The following NTM variants were observed in gnomAD, a reference collection of about 807,000 sequenced individuals.
NTM encodes the protein neurotrimin.
NTM carries 13 observed loss-of-function variants against 42.1 expected under a neutral mutation model. That is an observed-to-expected ratio of 0.31 (90% CI 0.20 to 0.49). The LOEUF (loss-of-function observed/expected upper bound fraction) is 0.49. Ranked by LOEUF, NTM falls within the 20% of genes least tolerant of loss-of-function variation. The pLI is 0.99. For missense variants in NTM, 373 were observed against 452.8 expected (o/e 0.82, Z 1.60); for synonymous variants, 187 against 179.2 (o/e 1.04, Z -0.35).
chr11:131,760,674 C>T (rs891590121), intron 1 of NTM, among the ~76,000 whole-genome samples: 1 of 151,904 alleles, frequency 6.6e-6, no homozygotes, highest in Non-Finnish European at 1.5e-5. Flanking sequence ...GTGTGGGGGC[C>T]GGGGAGGGGC....
At chr11:132,127,510 G>A (rs187205048) in intron 2 of NTM, among the ~76,000 whole-genome samples, 205 of 152,286 alleles carry the variant, frequency 1.3e-3, no homozygotes, top group African/African-American at 4.7e-3. Context: ...TCACACAATC[G>A]TGCCCTTTGC....
intron 1 of NTM, among the ~76,000 whole-genome samples, chr11:131,374,918 A>G (rs983550639): frequency 6.6e-6 from 1 of 152,194 alleles, no homozygotes; most frequent in African/African-American, 2.4e-5. Context: ...CAGGTCTGTG[A>G]TTTGGCTTTT....
rs965254184 is a variant in NTM, at chr11:131,795,905, C to T, written c.83-115659C>T. On this transcript the variant is annotated intron_variant, in intron 1 of 8. Coordinates refer to ENST00000683400, the MANE Select transcript of NTM (RefSeq NM_001352005.2). The stretch of plus-strand genomic sequence containing the variant: ...TGCCTTGTCTAGTGTGGAGGGATCA[C>T]TTTATTGGAGTAAGCGATGCCTGAG... 17 of 978,422 alleles carry T rather than the reference C, an allele frequency of 1.7e-5. No individual in the cohort carries two copies. In the African/African-American group the frequency reaches 2.6e-4, roughly 15 times the overall value. The allele number at this position is 978,422 out of a possible 1,614,324, so 60.6% of individuals were successfully genotyped here.
At chr11:131,803,756 C>T (rs1316099749) in intron 1 of NTM, among the ~76,000 whole-genome samples, 4 of 152,348 alleles carry the variant, frequency 2.6e-5, no homozygotes, top group South Asian at 2.1e-4. Context: ...CTGCCTCCCC[C>T]GAACCTGGCT....
chr11:131,774,182 A>C, intron 1 of NTM: 3 of 916,980 alleles, frequency 3.3e-6, no homozygotes, highest in Non-Finnish European at 2.6e-6. Context: ...GATTTTCTTT[A>C]TCTCCATAGC....
At chr11:131,654,052 A>G (rs886774207) in intron 1 of NTM, among the ~76,000 whole-genome samples, 32 of 152,162 alleles carry the variant, frequency 2.1e-4, no homozygotes, top group African/African-American at 7.7e-4. Context: ...GATTAATTCA[A>G]CAGACAGCTC....
At chr11:131,393,709 C>T (rs1171235473) in intron 1 of NTM, among the ~76,000 whole-genome samples, 1 of 152,246 alleles carries the variant, frequency 6.6e-6, no homozygotes, top group East Asian at 1.9e-4. Flanking sequence ...CTCCTTCCTT[C>T]CCTCTTTCCC....
At position 132,016,169 on chromosome 11, in the gene NTM, A is replaced by G. The variant is rs567813940; in HGVS notation, c.167+104521A>G. Among the ~76,000 whole-genome samples the G allele has an allele frequency of 7.9e-5, 12 of 151,010 alleles. No individual in the cohort carries two copies. The South Asian group carries it at 2.5e-3, about 31-fold the overall frequency. ...TTTTCTGCATTATTGAAATGATCAT[A>G]TGGTTTTTGTTCTTTGTTTTGTTGA... is the stretch of plus-strand genomic sequence containing the variant. On this transcript the variant is annotated intron_variant, in intron 2 of 8. Coordinates refer to ENST00000683400, the MANE Select transcript of NTM (RefSeq NM_001352005.2).
At chr11:131,934,010 G>A (rs909389391) in intron 2 of NTM, among the ~76,000 whole-genome samples, 9 of 152,130 alleles carry the variant, frequency 5.9e-5, no homozygotes, top group African/African-American at 1.7e-4. Flanking sequence ...TATGACCAGC[G>A]TGTGGCTGAA....
At chr11:131,840,033 G>A (rs1215698952) in intron 1 of NTM, among the ~76,000 whole-genome samples, 1 of 152,184 alleles carries the variant, frequency 6.6e-6, no homozygotes, top group Non-Finnish European at 1.5e-5. Flanking sequence ...AAGCTGTGTT[G>A]GGGAGTTCAG....
intron 1 of NTM, among the ~76,000 whole-genome samples, chr11:131,466,125 C>A (rs1300770965): frequency 1.3e-5 from 2 of 152,194 alleles, no homozygotes; most frequent in African/African-American, 4.8e-5. Flanking sequence ...TGGATCCTCT[C>A]AGAGCCTGCC....
intron 3 of NTM, among the ~76,000 whole-genome samples, chr11:132,168,317 C>A (rs2075599423): frequency 6.6e-6 from 1 of 152,194 alleles, no homozygotes; most frequent in Admixed American, 6.5e-5. Context: ...GCCCAGTTGA[C>A]CTTGCCTGGA....
chr11:132,091,488 T>C (rs1287424033), intron 2 of NTM, among the ~76,000 whole-genome samples: 1 of 152,018 alleles, frequency 6.6e-6, no homozygotes, highest in African/African-American at 2.4e-5. Flanking sequence ...ATACCACATA[T>C]TTATTTTATT....
At chr11:132,073,340 AG>A (rs1301874869) in intron 2 of NTM, among the ~76,000 whole-genome samples, 1 of 152,198 alleles carries the variant, frequency 6.6e-6, no homozygotes, top group East Asian at 1.9e-4. Context: ...AGTTATCTTT[AG>A]GAATGTTCTG....
intron 1 of NTM, among the ~76,000 whole-genome samples, chr11:131,645,463 C>A (rs893125581): frequency 1.3e-5 from 2 of 152,170 alleles, no homozygotes; most frequent in African/African-American, 4.8e-5. Context: ...ACGTCAGACA[C>A]CTTCAGACCT....
intron 1 of NTM, among the ~76,000 whole-genome samples, chr11:131,508,107 A>C (rs372825809): frequency 0.055 from 7,692 of 139,202 alleles, 355 homozygotes; most frequent in African/African-American, 0.11. Context: ...CAACCTACAA[A>C]ATGGGAGAAA....
chr11:132,161,039 T>C (rs1301100552), intron 3 of NTM, among the ~76,000 whole-genome samples: 1 of 152,104 alleles, frequency 6.6e-6, no homozygotes, highest in Non-Finnish European at 1.5e-5. Flanking sequence ...TTGGTTTCAG[T>C]TTTGACAAGA....
At chr11:131,761,860 TAATA>T (rs1340465704) in intron 1 of NTM, among the ~76,000 whole-genome samples, 3 of 133,376 alleles carry the variant, frequency 2.2e-5, no homozygotes, top group African/African-American at 8.3e-5. Context: ...AATAAATAAA[TAATA>T]AATGCAGAGG....
intron 3 of NTM, among the ~76,000 whole-genome samples, chr11:132,173,269 G>A (rs1273848117): frequency 1.3e-5 from 2 of 152,138 alleles, no homozygotes; most frequent in African/African-American, 4.8e-5. Flanking sequence ...TTAACTTCAA[G>A]AGAAGTTAAA....
Sources: allele counts gnomAD v4.1 joint callset (sites outside exome capture counted in the v4.1 genomes callset), GRCh38; gene constraint gnomAD v4.1.1; transcripts MANE v1.5; gene names NCBI Gene and HGNC (gene_info 2026-07-23, HGNC 2026-07-21).